PLEKHA3: variants seen among roughly 807,000 people sequenced by gnomAD.
PLEKHA3 encodes the protein pleckstrin homology domain containing A3.
In PLEKHA3, 19 loss-of-function variants were observed where a neutral mutation model predicts 39.2. The ratio of observed to expected loss-of-function variants is 0.48; its 90% CI spans 0.34 to 0.71. PLEKHA3 has a LOEUF of 0.71. PLEKHA3 is among the 30% of genes least tolerant of loss of function. The probability of loss-of-function intolerance (pLI) is 0.01; values close to 1 mark genes in which losing one functional copy is unlikely to be tolerated. For synonymous variants in PLEKHA3, 97 were observed against 118.6 expected, an observed-to-expected ratio of 0.82 and a Z score of 1.18; for missense variants, 253 against 359.5, an observed-to-expected ratio of 0.70 and a Z score of 2.40.
At chr2:178,486,954 ATTC>A (rs1418723032) in intron 2 of PLEKHA3, among the ~76,000 whole-genome samples, 1 of 152,272 alleles carries the variant, frequency 6.6e-6, no homozygotes, top group East Asian at 1.9e-4. Context: ...AGAAAAAAGT[ATTC>A]TTGACACGTT....
At position 178,504,354 on chromosome 2, in the gene PLEKHA3, T is replaced by C. The variant is rs1464247076; in HGVS notation, c.*467T>C. 6.5e-6 allele frequency: 1 copy of C among 154,344 alleles called. No homozygotes were observed. Among genetic ancestry groups the C allele is most frequent in the Non-Finnish European group, 1.4e-5 (1 of 69,008 alleles). 9.6% of individuals were successfully genotyped at this position (154,344 alleles called of 1,614,324 possible). On this transcript the variant is annotated 3_prime_UTR_variant, in exon 8 of 8. Coordinates refer to ENST00000234453, the MANE Select transcript of PLEKHA3 (RefSeq NM_019091.4). ...TACGATAGCAGCTTGATGGTGATTG[T>C]ATTGTATTCCTTTAATCAAAAAGGA...
At position 178,495,759 on chromosome 2, in the gene PLEKHA3, T is replaced by TG. The variant is rs1300138944; in HGVS notation, c.615+105dup. On this transcript the variant is annotated intron_variant, in intron 5 of 7. Transcript: ENST00000234453. ...ATTTTTAAGGGTGGAAGCAGGCAGT[T>TG]GGGGGGCGGGGAACAGCTAACAAGT... is the stretch of plus-strand genomic sequence containing the variant. 6 of 1,315,504 alleles carry TG rather than the reference T, an allele frequency of 4.6e-6. No homozygotes were observed. In the Admixed American group the frequency reaches 1.4e-4, roughly 30 times the overall value. 81.5% of individuals were successfully genotyped at this position (1,315,504 alleles called of 1,614,324 possible).
chr2:178,487,335 A>G (rs1370569594), intron 2 of PLEKHA3, among the ~76,000 whole-genome samples: 1 of 152,256 alleles, frequency 6.6e-6, no homozygotes, highest in Non-Finnish European at 1.5e-5. Flanking sequence ...GGATTCTACA[A>G]GGATGGAGAA....
intron 2 of PLEKHA3, among the ~76,000 whole-genome samples, chr2:178,489,583 C>T (rs1234313841): frequency 1.3e-5 from 2 of 151,422 alleles, no homozygotes; most frequent in Admixed American, 1.3e-4. Flanking sequence ...CCTTCCGCCT[C>T]CCAAGTTGCT....
intron 7 of PLEKHA3, among the ~76,000 whole-genome samples, chr2:178,503,290 G>A (rs1204767230): frequency 6.6e-6 from 1 of 151,938 alleles, no homozygotes; most frequent in East Asian, 1.9e-4. Flanking sequence ...AGAATGAAAA[G>A]AGGAATACCT....
In PLEKHA3 at chr2:178,499,197, TCC is replaced by T; in HGVS notation, c.616-13_616-12del. 1 of 1,603,750 alleles carries T rather than the reference TCC, an allele frequency of 6.2e-7. No individual in the cohort carries two copies. On this transcript the variant is annotated splice_polypyrimidine_tract_variant and intron_variant, in intron 5 of 7. Coordinates refer to ENST00000234453, the MANE Select transcript of PLEKHA3 (RefSeq NM_019091.4). ...GATTATGCTAATTTTTTTTTTTTTT[TCC>T]AAAATTTCTAGATGAAGCGTTCTGT...
chr2:178,503,653 G>A (rs16866352), intron 7 of PLEKHA3, 107 bp from the exon 8 acceptor site: 135,140 of 1,198,064 alleles, frequency 0.11, 11,004 homozygotes, highest in East Asian at 0.46. Flanking sequence ...TTAGCCAGAA[G>A]CTAAAGGAAT....
At chr2:178,486,036 T>G (rs1685246455) in intron 2 of PLEKHA3, among the ~76,000 whole-genome samples, 1 of 152,234 alleles carries the variant, frequency 6.6e-6, no homozygotes, top group South Asian at 2.1e-4. Context: ...TACTTTAGTG[T>G]CCACCTTCAG....
At chr2:178,481,020 C>T in intron 1 of PLEKHA3, 111 bp downstream of exon 1, 1 of 1,006,530 alleles carries the variant, frequency 9.9e-7, no homozygotes, top group East Asian at 3.0e-5. Flanking sequence ...AGAGCGAATT[C>T]GCTCTACTCG....
At chr2:178,498,697 TTGAATTA>T (rs1685483801) in intron 5 of PLEKHA3, among the ~76,000 whole-genome samples, 1 of 152,168 alleles carries the variant, frequency 6.6e-6, no homozygotes, top group African/African-American at 2.4e-5. Context: ...CTTTAAAGTC[TTGAATTA>T]TTAATGCTGT....
At chr2:178,496,898 G>A (rs191082302) in intron 5 of PLEKHA3, among the ~76,000 whole-genome samples, 1 of 151,594 alleles carries the variant, frequency 6.6e-6, no homozygotes, top group African/African-American at 2.4e-5. Flanking sequence ...AGATGGGGGG[G>A]GTCTCATTTT....
In PLEKHA3 at chr2:178,511,493, CATCCCAAATAGCTGGGACT is replaced by C. The variant is rs1685684667; in HGVS notation, c.*7607_*7625del. On this transcript the variant is annotated 3_prime_UTR_variant, in exon 8 of 8. Transcript: ENST00000234453. Reference sequence around the variant, plus strand: ...GGCTCAAGCAATTCTCGTGACTCAACATCCCAAATAGCTGGGACTGTAGGCACGCACCACCATGCCCAGC... The same window carrying C: ...GGCTCAAGCAATTCTCGTGACTCAACGTAGGCACGCACCACCATGCCCAGC... 6.6e-6 allele frequency: 1 copy of C among 151,888 alleles called. No homozygotes were observed. Among genetic ancestry groups the C allele is most frequent in the Admixed American group, 6.6e-5 (1 of 15,206 alleles). 9.4% of individuals were successfully genotyped at this position (151,888 alleles called of 1,614,324 possible). A position where few individuals can be genotyped will look rare whatever the true frequency, so the allele number is the denominator to read the frequency against.
At position 178,509,455 on chromosome 2, in the gene PLEKHA3, C is replaced by CATT. The variant is rs58482353; in HGVS notation, c.*5579_*5581dup. On this transcript the variant is annotated 3_prime_UTR_variant, in exon 8 of 8. Transcript: ENST00000234453. ...GTTAGTTATTAATATTGTTTACTATCATTATTATTATTACTACTATCAGTT... is the reference window on the plus strand; with the variant it reads ...GTTAGTTATTAATATTGTTTACTATCATTATTATTATTATTACTACTATCAGTT... The CATT allele has an allele frequency of 6.6e-6, 1 of 150,514 alleles. No homozygotes were observed. The highest frequency in any genetic ancestry group is 2.4e-5 in the African/African-American group (1 of 41,008). The allele number at this position is 150,514 out of a possible 1,614,324, so 9.3% of individuals were successfully genotyped here. A position where few individuals can be genotyped will look rare whatever the true frequency, so the allele number is the denominator to read the frequency against.
In PLEKHA3 at chr2:178,490,163, C is replaced by G. The variant is rs538644268; in HGVS notation, c.158-496C>G. Among the ~76,000 whole-genome samples the G allele has an allele frequency of 6.6e-5, 10 of 152,266 alleles. No homozygotes were observed. In the South Asian group the frequency reaches 1.7e-3, roughly 25 times the overall value. ...GATGAATGTCTTCAAAATATACATG[C>G]CTTCCATGTGTTATGCTATGATCCA... On this transcript the variant is annotated intron_variant, in intron 2 of 7. Transcript: ENST00000234453.
At chr2:178,497,193 C>T (rs1685462837) in intron 5 of PLEKHA3, among the ~76,000 whole-genome samples, 1 of 150,678 alleles carries the variant, frequency 6.6e-6, no homozygotes, top group African/African-American at 2.4e-5. Context: ...TATATATATA[C>T]ACAAATAAAA....
rs2154128067 is a variant in PLEKHA3 at position 178,504,192 on chromosome 2, AG to A, written c.*309del. ...GTAGATATTTTTCTTAAAAACTCTG[AG>A]GGGACTGACAGCATGGTCAGGGTGT... On this transcript the variant is annotated 3_prime_UTR_variant, in exon 8 of 8. Coordinates refer to ENST00000234453, the MANE Select transcript of PLEKHA3 (RefSeq NM_019091.4). The A allele has an allele frequency of 4.6e-6, 1 of 215,318 alleles. No individual in the cohort carries two copies. Among genetic ancestry groups the A allele is most frequent in the South Asian group, 8.3e-5 (1 of 12,008 alleles). 13.3% of individuals were successfully genotyped at this position (215,318 alleles called of 1,614,324 possible). A position where few individuals can be genotyped will look rare whatever the true frequency, so the allele number is the denominator to read the frequency against.
chr2:178,503,625 A>C, intron 7 of PLEKHA3, 135 bp from the exon 8 acceptor site: 1 of 901,962 alleles, frequency 1.1e-6, no homozygotes, highest in East Asian at 2.7e-5. Flanking sequence ...TGCATGAAAC[A>C]AACAAGGAAA....
chr2:178,494,374 T>C (rs975878533), intron 4 of PLEKHA3, among the ~76,000 whole-genome samples: 1 of 152,218 alleles, frequency 6.6e-6, no homozygotes, highest in Non-Finnish European at 1.5e-5. Flanking sequence ...CTTATCTTTA[T>C]GAAATAACTT....
rs1046022928 is a variant in PLEKHA3 at position 178,514,035 on chromosome 2, A to G, written c.*10148A>G. The G allele has an allele frequency of 9.9e-5, 15 of 152,128 alleles. No homozygotes were observed. Among genetic ancestry groups the G allele is most frequent in the African/African-American group, 3.6e-4 (15 of 41,424 alleles). The allele number at this position is 152,128 out of a possible 1,614,324, so 9.4% of individuals were successfully genotyped here. On this transcript the variant is annotated 3_prime_UTR_variant, in exon 8 of 8. Transcript: ENST00000234453. ...GGGTGATTGTCCATAGCCTCTTGCA[A>G]TGGTGCCTCATCTTGGGGAGGCTTT...
Sources: gnomAD v4.1 joint callset for allele counts (sites outside exome capture counted in the v4.1 genomes callset) on GRCh38, gnomAD v4.1.1 for gene constraint, MANE v1.5 for transcripts, NCBI Gene and HGNC (gene_info 2026-07-23, HGNC 2026-07-21) for gene names.